PTP4A1: variants seen among roughly 807,000 people sequenced by gnomAD.
PTP4A1 encodes the protein protein tyrosine phosphatase 4A1, also known as protein tyrosine phosphatase type IVA 1.
Under a neutral mutation model 20.5 loss-of-function variants are expected in PTP4A1, and 9 were observed. That is an observed-to-expected ratio of 0.44 (90% CI 0.26 to 0.77). PTP4A1 has a LOEUF of 0.77. Ranked by LOEUF, PTP4A1 falls within the 30% of genes least tolerant of loss-of-function variation. The pLI, the probability that PTP4A1 is intolerant of heterozygous loss-of-function variation, is 0.19. For synonymous variants in PTP4A1, 78 were observed against 67.4 expected, an observed-to-expected ratio of 1.16 and a Z score of -0.77; for missense variants, 137 against 218.8, an observed-to-expected ratio of 0.63 and a Z score of 2.36.
At chr6:63,563,225 T>C (rs1777042451) in intron 3 of PTP4A1, among the ~76,000 whole-genome samples, 1 of 152,222 alleles carries the variant, frequency 6.6e-6, no homozygotes, top group Non-Finnish European at 1.5e-5. Context: ...TCCTGATATG[T>C]GGTGTGATTC....
At chr6:63,532,567 C>T (rs1257557064) in intron 2 of PTP4A1, among the ~76,000 whole-genome samples, 1 of 151,488 alleles carries the variant, frequency 6.6e-6, no homozygotes, top group African/African-American at 2.4e-5. Context: ...CCATTAAATC[C>T]ACAAAAAAAA....
At chr6:63,579,117 T>C in intron 4 of PTP4A1, 89 bp downstream of exon 4, 2 of 1,397,954 alleles carry the variant, frequency 1.4e-6, no homozygotes, top group South Asian at 1.6e-5. Flanking sequence ...TTTTTTAATA[T>C]AAAGTCAACA....
chr6:63,577,139 G>A (rs1431128133), intron 2 of PTP4A1, among the ~76,000 whole-genome samples, 154 bp downstream of exon 2: 1 of 152,126 alleles, frequency 6.6e-6, no homozygotes, highest in Admixed American at 6.5e-5. Flanking sequence ...ATAGGTTAGA[G>A]GTATATTTGT....
intron 2 of PTP4A1, among the ~76,000 whole-genome samples, chr6:63,541,547 A>T (rs1775972850): frequency 6.6e-6 from 1 of 152,138 alleles, no homozygotes; most frequent in African/African-American, 2.4e-5. Context: ...TGTCTCAAGA[A>T]AAACAATTTA....
intron 3 of PTP4A1, among the ~76,000 whole-genome samples, chr6:63,556,323 T>G (rs1048478292): frequency 6.7e-6 from 1 of 149,296 alleles, no homozygotes; most frequent in Non-Finnish European, 1.5e-5. Flanking sequence ...CAAACTTGGT[T>G]TTTTTTTTTC....
At chr6:63,556,550 G>A (rs965289041) in intron 3 of PTP4A1, among the ~76,000 whole-genome samples, 2 of 152,094 alleles carry the variant, frequency 1.3e-5, no homozygotes, top group African/African-American at 4.8e-5. Context: ...TTTTCTCAGG[G>A]CGTGGTTTCT....
intron 2 of PTP4A1, among the ~76,000 whole-genome samples, chr6:63,534,810 T>C (rs1000998682): frequency 6.6e-6 from 1 of 152,070 alleles, no homozygotes; most frequent in African/African-American, 2.4e-5. Context: ...AAGAATTTCA[T>C]AAAGAATTTC....
At chr6:63,567,260 T>C (rs938400360) in intron 3 of PTP4A1, among the ~76,000 whole-genome samples, 33 of 152,218 alleles carry the variant, frequency 2.2e-4, no homozygotes, top group African/African-American at 8.0e-4. Flanking sequence ...CTTAGATCCA[T>C]CAGAGGAATC....
chr6:63,534,886 A>C (rs1775651999), intron 2 of PTP4A1, among the ~76,000 whole-genome samples: 1 of 148,708 alleles, frequency 6.7e-6, no homozygotes. Flanking sequence ...AACATGGTGA[A>C]ATTTCTTTAC....
intron 2 of PTP4A1, among the ~76,000 whole-genome samples, chr6:63,534,623 C>A (rs1166688973): frequency 6.6e-6 from 1 of 151,800 alleles, no homozygotes; most frequent in African/African-American, 2.4e-5. Context: ...GCCCAGGCAA[C>A]GTAGCAAGAC....
chr6:63,561,882 T>G (rs1776968920), intron 3 of PTP4A1, among the ~76,000 whole-genome samples: 1 of 152,208 alleles, frequency 6.6e-6, no homozygotes, highest in Non-Finnish European at 1.5e-5. Context: ...CAGGTTAGGA[T>G]AACCTGGTGC....
chr6:63,573,501 GA>G (rs1777628704), intron 1 of PTP4A1: 1 of 152,226 alleles, frequency 6.6e-6, no homozygotes, highest in Admixed American at 6.5e-5. Flanking sequence ...GCGGCGCGGA[GA>G]GGGGGCGCAG....
intron 2 of PTP4A1, among the ~76,000 whole-genome samples, chr6:63,532,360 A>G (rs1353719949): frequency 6.6e-6 from 1 of 152,018 alleles, no homozygotes; most frequent in Non-Finnish European, 1.5e-5. Flanking sequence ...TAGCTTCTGG[A>G]TTCATACCTC....
At chr6:63,522,198 T>A (rs779573883) in intron 1 of PTP4A1, among the ~76,000 whole-genome samples, 1 of 152,238 alleles carries the variant, frequency 6.6e-6, no homozygotes, top group Non-Finnish European at 1.5e-5. Context: ...AATGTCATAT[T>A]CCTTTTTCTC....
intron 2 of PTP4A1, among the ~76,000 whole-genome samples, chr6:63,539,864 T>A (rs1775881718): frequency 6.6e-6 from 1 of 152,110 alleles, no homozygotes; most frequent in African/African-American, 2.4e-5. Context: ...AACTTAATAA[T>A]CAGAGGTATA....
upstream of PTP4A1, among the ~76,000 whole-genome samples, chr6:63,519,037 G>A (rs549671194): frequency 6.6e-6 from 1 of 152,242 alleles, no homozygotes; most frequent in Admixed American, 6.5e-5. Flanking sequence ...ACTACAGGCC[G>A]GGCACAGTGG....
At chr6:63,574,721 A>C (rs571325404) in intron 1 of PTP4A1, among the ~76,000 whole-genome samples, 1 of 152,220 alleles carries the variant, frequency 6.6e-6, no homozygotes, top group Admixed American at 6.5e-5. Flanking sequence ...GAATACTGTG[A>C]TGAGTCATTA....
chr6:63,522,292 T>G (rs1309531980), intron 1 of PTP4A1, among the ~76,000 whole-genome samples: 3 of 152,130 alleles, frequency 2.0e-5, no homozygotes, highest in African/African-American at 7.2e-5. Flanking sequence ...ATTATTTGTA[T>G]AGTTATAAAG....
chr6:63,530,025 G>T (rs533639089), intron 2 of PTP4A1, among the ~76,000 whole-genome samples: 2 of 152,090 alleles, frequency 1.3e-5, no homozygotes, highest in African/African-American at 2.4e-5. Flanking sequence ...TTGACAAAAA[G>T]AAAATTAGAA....
Sources: gnomAD v4.1 joint callset for allele counts (sites outside exome capture counted in the v4.1 genomes callset) on GRCh38, gnomAD v4.1.1 for gene constraint, MANE v1.5 for transcripts, NCBI Gene and HGNC (gene_info 2026-07-23, HGNC 2026-07-21) for gene names.